Variants in DYNC1H1 observed in about 807,000 individuals in gnomAD.
DYNC1H1 encodes the protein cytoplasmic dynein 1 heavy chain 1.
DYNC1H1 carries 51 observed loss-of-function variants against 527.1 expected under a neutral mutation model. The ratio of observed to expected loss-of-function variants is 0.10; its 90% confidence interval spans 0.08 to 0.12. The LOEUF (loss-of-function observed/expected upper bound fraction) is 0.12. Among genes scored for constraint, DYNC1H1 ranks in the 10% least tolerant of loss-of-function variants. The pLI, the probability that DYNC1H1 is intolerant of heterozygous loss-of-function variation, is 1.00. For synonymous variants in DYNC1H1, 2,189 were observed against 2,278.8 expected (o/e 0.96, Z 1.12); for missense variants, 2,771 against 5,971.8 (o/e 0.46, Z 17.66).
intron 17 of DYNC1H1, 69 bp from the exon 18 acceptor site, chr14:102,000,217 C>T: frequency 6.2e-7 from 1 of 1,614,088 alleles, no homozygotes. Context: ...TGTTCATCCT[C>T]AGGGCCCTGC....
In DYNC1H1 at chr14:102,033,691, C is replaced by A; in HGVS notation, c.10413+207C>A. ...TTAGGATAGATTGATACAAACTGGA[C>A]ACTTTTCAGCCGTTGAATCCCCCAC... On this transcript the variant is annotated intron_variant, in intron 54 of 77. Transcript: ENST00000360184. This position sits in a 1 kb window ranked among gnomAD's most constrained non-coding sequence, Gnocchi z 5.6. 1.4e-6 allele frequency: 1 copy of A among 731,948 alleles called. No individual in the cohort carries two copies. The highest frequency in any genetic ancestry group is 2.3e-6 in the Non-Finnish European group (1 of 440,062). The allele number at this position is 731,948 out of a possible 1,614,324, so 45.3% of individuals were successfully genotyped here.
Position 102,034,185 on chromosome 14 carries a change from C to A in DYNC1H1, c.10623C>A (p.Ile3541=). 6.2e-7 allele frequency: 1 copy of A among 1,614,208 alleles called. No homozygotes were observed. Among genetic ancestry groups the A allele is most frequent in the Non-Finnish European group, 8.5e-7 (1 of 1,180,052 alleles). Residue 3541 remains isoleucine (I), a synonymous_variant, in exon 55 of 78, where the codon ATC becomes ATA. Transcript: ENST00000360184. ...TWSHHLQQAN[I]QFRTDIARTE... ...CCCATCACCTACAGCAAGCCAACAT[C>A]CAGGTGAGAATCACGGGGAGTTCAA...
intron 10 of DYNC1H1, among the ~76,000 whole-genome samples, chr14:101,989,791 A>T (rs1470485006): frequency 6.6e-6 from 1 of 152,248 alleles, no homozygotes; most frequent in African/African-American, 2.4e-5. Context: ...CCAGAGAAGC[A>T]AATGAGTGTT....
At chr14:101,980,213 T>C (rs1388705109) in intron 4 of DYNC1H1, 151 bp from the exon 5 acceptor site, 33 of 1,149,912 alleles carry the variant, frequency 2.9e-5, no homozygotes, top group Non-Finnish European at 3.9e-5. Context: ...GTCGTATACC[T>C]TTGATTTCAA....
Position 102,012,440 on chromosome 14 carries a change from C to T in DYNC1H1, c.6984C>T (p.Pro2328=). 6.2e-7 allele frequency: 1 copy of T among 1,614,220 alleles called. No individual in the cohort carries two copies. Among genetic ancestry groups the T allele is most frequent in the South Asian group, 1.1e-5 (1 of 91,088 alleles). Reference sequence around the variant, plus strand: ...ATGACAATAAGCTCCTAACTTTGCCCAATGGAGAGCGCCTCAGTCTTCCAC... The same window carrying T: ...ATGACAATAAGCTCCTAACTTTGCCTAATGGAGAGCGCCTCAGTCTTCCAC... ...VLDDNKLLTL[P]NGERLSLPPN... The change falls in exon 34 of 78, where the codon CCC becomes CCT. Residue 2328 remains proline, a synonymous_variant. Coordinates refer to ENST00000360184, the MANE Select transcript of DYNC1H1 (RefSeq NM_001376.5). The surrounding 1 kb of genome is among the most constrained non-coding windows in gnomAD (Gnocchi z 4.9).
Position 102,018,577 on chromosome 14 carries a change from G to A in DYNC1H1, c.8304G>A (p.Pro2768=), listed in dbSNP as rs77113510. The A allele has an allele frequency of 7.6e-4, 1,222 of 1,612,956 alleles. No individual in the cohort carries two copies. Among genetic ancestry groups the A allele is most frequent in the Middle Eastern group, 4.6e-3 (28 of 6,062 alleles). The change falls in exon 41 of 78, where the codon CCG becomes CCA. Residue 2768 remains proline, a synonymous_variant. Transcript: ENST00000360184. The surrounding 1 kb of genome is among the most constrained non-coding windows in gnomAD (Gnocchi z 5.2). The part of the protein sequence containing the change: ...LIPSLRTYAE[P]LTAAMVEFYT... ...CATCCCTGCGGACGTATGCAGAGCC[G>A]CTCACTGCTGCCATGGTGGAGTTCT...
At position 101,988,613 on chromosome 14, in the gene DYNC1H1, T is replaced by C. The variant is rs1250494143; in HGVS notation, c.2719-90T>C. ...TTCTAGTCCGGAACTGTGTATCTTT[T>C]ATCTGAAACACCTACCACTTTCTGA... On this transcript the variant is annotated intron_variant, in intron 9 of 77. Transcript: ENST00000360184. 4.5e-6 allele frequency: 7 copies of C among 1,559,686 alleles called. No individual in the cohort carries two copies. The African/African-American group carries it at 8.1e-5, about 18-fold the overall frequency.
chr14:102,010,033 A>G lies in DYNC1H1; in HGVS notation c.6168A>G (p.Ser2056=), dbSNP rs1367937657. ...TAATCGCCCAGGTCATGCTGTACTC[A>G]CAGGGTTTCCGCACTGCTGAAGTGC... ...RQLIAQVMLY[S]QGFRTAEVLA... Residue 2056 remains serine (S), a synonymous_variant, in exon 30 of 78, where the codon TCA becomes TCG. Coordinates refer to ENST00000360184, the MANE Select transcript of DYNC1H1 (RefSeq NM_001376.5). The surrounding 1 kb of genome is among the most constrained non-coding windows in gnomAD (Gnocchi z 6.0). 4 of 1,614,010 alleles carry G rather than the reference A, an allele frequency of 2.5e-6. No individual in the cohort carries two copies. The East Asian group carries it at 6.7e-5, about 27-fold the overall frequency.
Position 101,987,534 on chromosome 14 carries a change from T to G in DYNC1H1, c.2620T>G (p.Phe874Val). The change falls in exon 9 of 78, where the codon TTC becomes GTC. Residue 874 changes from phenylalanine to valine, a missense_variant. Physicochemically the swap from Phe to Val is conservative, Grantham distance 50 (BLOSUM62 -1). Coordinates refer to ENST00000360184, the MANE Select transcript of DYNC1H1 (RefSeq NM_001376.5). Reference sequence around the variant, plus strand: ...AACTTGTATGTATGACCATAAGACATTCTCGGAAATCTTGAACAGAGTCCA... The same window carrying G: ...AACTTGTATGTATGACCATAAGACAGTCTCGGAAATCTTGAACAGAGTCCA... ...LETCMYDHKT[F>V]SEILNRVQKA... 1 of 1,614,190 alleles carries G rather than the reference T, an allele frequency of 6.2e-7. No homozygotes were observed.
rs528061348 is a variant in DYNC1H1 at position 102,049,260 on chromosome 14, T to C, written c.13373-180T>C. On this transcript the variant is annotated intron_variant, in intron 74 of 77. Coordinates refer to ENST00000360184, the MANE Select transcript of DYNC1H1 (RefSeq NM_001376.5). The surrounding 1 kb of genome is among the most constrained non-coding windows in gnomAD (Gnocchi z 5.5). Reference sequence around the variant, plus strand: ...AGACATGCTCTGGACCAGCCTGAGCTAGAGCAGATGTGGTGAGGGCGGCGC... The same window carrying C: ...AGACATGCTCTGGACCAGCCTGAGCCAGAGCAGATGTGGTGAGGGCGGCGC... 7 of 789,010 alleles carry C rather than the reference T, an allele frequency of 8.9e-6. No homozygotes were observed. The highest frequency in any genetic ancestry group is 8.4e-6 in the Non-Finnish European group (4 of 478,210). 48.9% of individuals were successfully genotyped at this position (789,010 alleles called of 1,614,324 possible). A position where few individuals can be genotyped will look rare whatever the true frequency, so the allele number is the denominator to read the frequency against.
At position 102,038,213 on chromosome 14, in the gene DYNC1H1, A is replaced by G. The variant is rs1274567890; in HGVS notation, c.10909-247A>G. On this transcript the variant is annotated intron_variant, in intron 57 of 77. Coordinates refer to ENST00000360184, the MANE Select transcript of DYNC1H1 (RefSeq NM_001376.5). This position sits in a 1 kb window ranked among gnomAD's most constrained non-coding sequence, Gnocchi z 7.2. ...AGTCTGGTCTCGAACTCCTGACCTC[A>G]AGTGATCTGCCTGCCTCAGCCTCCC... 3.7e-6 allele frequency: 2 copies of G among 538,434 alleles called. No individual in the cohort carries two copies. The highest frequency in any genetic ancestry group is 6.7e-6 in the Non-Finnish European group (2 of 297,412). 33.4% of individuals were successfully genotyped at this position (538,434 alleles called of 1,614,324 possible).
At chr14:102,030,090 G>C (rs958821755) in intron 50 of DYNC1H1, 72 bp from the exon 51 acceptor site, 4 of 1,609,860 alleles carry the variant, frequency 2.5e-6, no homozygotes, top group Non-Finnish European at 3.4e-6. Context: ...GCAGAGTGAA[G>C]AATGTTGTTT....
chr14:101,988,892 A>AT (rs1283643328), intron 10 of DYNC1H1, 40 bp downstream of exon 10: 1 of 1,613,262 alleles, frequency 6.2e-7, no homozygotes, highest in East Asian at 2.2e-5. Flanking sequence ...AATAAGTGAA[A>AT]TAACAAAACT....
At position 102,012,625 on chromosome 14, in the gene DYNC1H1, A is replaced by G; in HGVS notation, c.7014+155A>G. ...TTTCAAAGATAGCATCTCAACTGCT[A>G]GATTTTTTTTCCATTTCCATGGCTA... On this transcript the variant is annotated intron_variant, in intron 34 of 77. Coordinates refer to ENST00000360184, the MANE Select transcript of DYNC1H1 (RefSeq NM_001376.5). This position sits in a 1 kb window ranked among gnomAD's most constrained non-coding sequence, Gnocchi z 4.9. 9.3e-7 allele frequency: 1 copy of G among 1,075,176 alleles called. No homozygotes were observed. The highest frequency in any genetic ancestry group is 1.3e-5 in the South Asian group (1 of 75,672). 66.6% of individuals were successfully genotyped at this position (1,075,176 alleles called of 1,614,324 possible). A position where few individuals can be genotyped will look rare whatever the true frequency, so the allele number is the denominator to read the frequency against.
At chr14:101,984,448 ATATTT>A (rs2047908523) in intron 7 of DYNC1H1, among the ~76,000 whole-genome samples, 8 of 89,132 alleles carry the variant, frequency 9.0e-5, no homozygotes, top group Non-Finnish European at 1.5e-4. Context: ...TATATATATT[ATATTT>A]TTTTTTTTTT....
At position 102,012,206 on chromosome 14, in the gene DYNC1H1, C is replaced by A; in HGVS notation, c.6857+93C>A. ...AGCAGAGTATACGTTATTTTTCAAC[C>A]AAAGTCTGAGCAAATTAAAGGTCAT... On this transcript the variant is annotated intron_variant, in intron 33 of 77. Coordinates refer to ENST00000360184, the MANE Select transcript of DYNC1H1 (RefSeq NM_001376.5). This position sits in a 1 kb window ranked among gnomAD's most constrained non-coding sequence, Gnocchi z 4.9. 1 of 1,611,098 alleles carries A rather than the reference C, an allele frequency of 6.2e-7. No individual in the cohort carries two copies. The highest frequency in any genetic ancestry group is 8.5e-7 in the Non-Finnish European group (1 of 1,177,614).
rs17512432 is a variant in DYNC1H1 at position 102,013,943 on chromosome 14, A to C, written c.7015-1162A>C. Reference sequence around the variant, plus strand: ...AGGGAAAGGAATCAAGGATGATGCGAGGTTTCTGGCCTGATCAGCTTATGA... The same window carrying C: ...AGGGAAAGGAATCAAGGATGATGCGCGGTTTCTGGCCTGATCAGCTTATGA... On this transcript the variant is annotated intron_variant, in intron 34 of 77. Transcript: ENST00000360184. Among the ~76,000 whole-genome samples the C allele has an allele frequency of 6.4e-3, 970 of 152,302 alleles. 4 individuals carry two copies. Among genetic ancestry groups the C allele is most frequent in the Middle Eastern group, 0.024 (7 of 294 alleles).
intron 44 of DYNC1H1, 177 bp downstream of exon 44, chr14:102,026,884 T>G: frequency 1.0e-6 from 1 of 971,278 alleles, no homozygotes. Flanking sequence ...CAGTTTATCC[T>G]AAGCAGAACT....
Position 102,051,298 on chromosome 14 carries a change from C to T in DYNC1H1, c.*735C>T. ...GGCGTGGTGGCTCATGCCTGTAATC[C>T]CAGCACTTTGGGAGGCCGAGGCGGG... On this transcript the variant is annotated 3_prime_UTR_variant, in exon 78 of 78. Coordinates refer to ENST00000360184, the MANE Select transcript of DYNC1H1 (RefSeq NM_001376.5). The T allele has an allele frequency of 6.5e-6, 1 of 153,772 alleles. No individual in the cohort carries two copies. The highest frequency in any genetic ancestry group is 1.4e-5 in the Non-Finnish European group (1 of 69,366). The allele number at this position is 153,772 out of a possible 1,614,324, so 9.5% of individuals were successfully genotyped here.
Sources: allele counts gnomAD v4.1 joint callset (sites outside exome capture counted in the v4.1 genomes callset), GRCh38; gene constraint gnomAD v4.1.1; non-coding constraint Gnocchi (gnomAD v3.1); transcripts MANE v1.5; gene names NCBI Gene and HGNC (gene_info 2026-07-23, HGNC 2026-07-21).